The following LIG1 variants were observed in gnomAD, a reference collection of about 807,000 sequenced individuals.
The protein encoded by LIG1 is DNA ligase 1, also known as ligase I, DNA, ATP-dependent.
In LIG1, 70 loss-of-function variants were observed where a neutral mutation model predicts 115.7. The ratio of observed to expected loss-of-function variants is 0.60; its 90% CI spans 0.50 to 0.74. LIG1 has a LOEUF of 0.74. LIG1 is among the 30% of genes least tolerant of loss of function. The pLI is 0.00. For missense variants in LIG1, 1,115 were observed against 1,225.6 expected (o/e 0.91, Z 1.35); for synonymous variants, 487 against 495.3 (o/e 0.98, Z 0.22).
intron 5 of LIG1, 64 bp from the exon 6 acceptor site, chr19:48,154,031 C>T: frequency 7.6e-7 from 1 of 1,322,976 alleles, no homozygotes; most frequent in African/African-American, 1.4e-5. Flanking sequence ...TCCCGGAGAG[C>T]TCACACCCAC....
chr19:48,152,730 A>G lies in LIG1; in HGVS notation c.466+1142T>C, dbSNP rs2035556249. 3.3e-5 allele frequency among the ~76,000 whole-genome samples: 5 copies of G among 152,346 alleles called. No individual in the cohort carries two copies. In the South Asian group the frequency reaches 1.0e-3, roughly 32 times the overall value. On this transcript the variant is annotated intron_variant, in intron 6 of 27. Transcript: ENST00000263274. Reference sequence around the variant, plus strand: ...GTATTAAATCACATTCCTTGCAATGACATTGCATCTCTGCAAAGCTGGGTT... The same window carrying G: ...GTATTAAATCACATTCCTTGCAATGGCATTGCATCTCTGCAAAGCTGGGTT...
At chr19:48,119,606 T>C (rs1329045866) in intron 24 of LIG1, among the ~76,000 whole-genome samples, 2 of 147,168 alleles carry the variant, frequency 1.4e-5, no homozygotes, top group Non-Finnish European at 3.0e-5. Flanking sequence ...TGGTGCAATC[T>C]TGGCTCACTG....
Position 48,127,350 on chromosome 19 carries a change from T to A in LIG1, c.1933-2A>T. On this transcript the variant is annotated splice_acceptor_variant, in intron 20 of 27. Transcript: ENST00000263274. LOFTEE classifies it high-confidence loss of function. ...CTGGATCTCAGACGCATCCACCTCC[T>A]GGGTTGGGGCACAACGGAGTTCGTG... 1 of 1,612,702 alleles carries A rather than the reference T, an allele frequency of 6.2e-7. No homozygotes were observed. Among genetic ancestry groups the A allele is most frequent in the Non-Finnish European group, 8.5e-7 (1 of 1,179,942 alleles).
intron 23 of LIG1, among the ~76,000 whole-genome samples, chr19:48,121,899 G>C (rs994412711): frequency 4.6e-5 from 7 of 152,230 alleles, no homozygotes; most frequent in Non-Finnish European, 1.0e-4. Flanking sequence ...CCTCAGGACA[G>C]AGACGTGGCC....
intron 25 of LIG1, chr19:48,118,323 G>A: frequency 5.7e-6 from 1 of 176,950 alleles, no homozygotes; most frequent in East Asian, 1.6e-4. Context: ...ACTGAACGAT[G>A]GGGGCAGGTT....
rs774171333 is a variant in LIG1, at chr19:48,117,737, G to C, written c.2484C>G (p.Gly828=). ...PSPRPYVRID[G]AVIPDHWLDP... The stretch of plus-strand genomic sequence containing the variant: ...CCAGCCAGTGGTCGGGAATCACAGC[G>C]CCATCTATCCGCACGTAAGGGCGTG... The change falls in exon 26 of 28, where the codon GGC becomes GGG. Residue 828 remains glycine (G), a synonymous_variant. Transcript: ENST00000263274. 1 of 1,613,142 alleles carries C rather than the reference G, an allele frequency of 6.2e-7. No individual in the cohort carries two copies. The highest frequency in any genetic ancestry group is 8.5e-7 in the Non-Finnish European group (1 of 1,179,802).
chr19:48,159,706 C>CTTAT (rs545767355), intron 4 of LIG1, among the ~76,000 whole-genome samples: 275 of 146,100 alleles, frequency 1.9e-3, no homozygotes, highest in African/African-American at 3.4e-3. Context: ...ATGCCACTTG[C>CTTAT]TTATTTATTT....
At chr19:48,149,967 C>T (rs746974931) in intron 8 of LIG1, 121 bp downstream of exon 8, 484 of 1,571,452 alleles carry the variant, frequency 3.1e-4, no homozygotes, top group Non-Finnish European at 3.9e-4. Context: ...GAGACAAGGC[C>T]GACTTTCCAA....
At chr19:48,153,705 G>C in intron 6 of LIG1, among the ~76,000 whole-genome samples, 167 bp downstream of exon 6, 1 of 110,382 alleles carries the variant, frequency 9.1e-6, no homozygotes, top group Admixed American at 9.7e-5. Flanking sequence ...TCCTTCTGGG[G>C]GCTCACCTTC....
chr19:48,158,366 G>GCCT (rs34864830), intron 4 of LIG1, among the ~76,000 whole-genome samples: 69,742 of 151,762 alleles, frequency 0.46, 16,278 homozygotes, highest in East Asian at 0.67. Context: ...CACAGAGGAA[G>GCCT]CCTGGGCCTC....
At chr19:48,160,825 C>A (rs991520782) in intron 4 of LIG1, among the ~76,000 whole-genome samples, 1 of 151,874 alleles carries the variant, frequency 6.6e-6, no homozygotes, top group Non-Finnish European at 1.5e-5. Flanking sequence ...CTTGAACACC[C>A]GGGCTCAAGC....
At position 48,143,525 on chromosome 19, in the gene LIG1, GCAGTCCTCATTAGTTACC is replaced by G; in HGVS notation, c.914_914+17del. On this transcript the variant is annotated splice_donor_variant and splice_donor_5th_base_variant and coding_sequence_variant and intron_variant, in exon 11 of 28. Transcript: ENST00000263274. LOFTEE classifies it high-confidence loss of function. ...AGAAGCGACCCCGCCCCCCACCCAG[GCAGTCCTCATTAGTTACC>G]GAGCAGACACCTCCTCGATCTTCTC... The G allele has an allele frequency of 6.8e-7, 1 of 1,480,264 alleles. No individual in the cohort carries two copies. The highest frequency in any genetic ancestry group is 9.3e-7 in the Non-Finnish European group (1 of 1,073,800). The allele number at this position is 1,480,264 out of a possible 1,614,324, so 91.7% of individuals were successfully genotyped here. A position where few individuals can be genotyped will look rare whatever the true frequency, so the allele number is the denominator to read the frequency against.
rs115468263 is a variant in LIG1, at chr19:48,150,766, T to C, written c.574+466A>G. Reference sequence around the variant, plus strand: ...AGGCTGGAGTGCAGTGGTGCGACCATAGGTCACTGCAACCTCCACCTCCTG... The same window carrying C: ...AGGCTGGAGTGCAGTGGTGCGACCACAGGTCACTGCAACCTCCACCTCCTG... On this transcript the variant is annotated intron_variant, in intron 7 of 27. Coordinates refer to ENST00000263274, the MANE Select transcript of LIG1 (RefSeq NM_000234.3). Among the ~76,000 whole-genome samples, 366 of 152,272 alleles carry C rather than the reference T, an allele frequency of 2.4e-3. 1 individual carries two copies. Among genetic ancestry groups the C allele is most frequent in the African/African-American group, 7.8e-3 (326 of 41,558 alleles).
chr19:48,157,216 G>T, intron 4 of LIG1, 76 bp from the exon 5 acceptor site: 6 of 1,426,198 alleles, frequency 4.2e-6, no homozygotes, highest in South Asian at 2.8e-5. Flanking sequence ...AGAGTAGAGG[G>T]GACTGAAACC....
rs1353026647 is a variant in LIG1 at position 48,123,284 on chromosome 19, T to C, written c.2039A>G (p.Gln680Arg). Reference sequence around the variant, plus strand: ...CTCCACAAAGTTCTCCCGGAGCAGCTGCCGGCGCCGGGAAAGGGGCTCACG... The same window carrying C: ...CTCCACAAAGTTCTCCCGGAGCAGCCGCCGGCGCCGGGAAAGGGGCTCACG... Reference protein sequence around the residue: ...LVREPLSRRRQLLRENFVETE... With the variant: ...LVREPLSRRRRLLRENFVETE... Residue 680 changes from glutamine to arginine, a missense_variant, in exon 22 of 28, where the codon CAG (glutamine) becomes CGG (arginine). Transcript: ENST00000263274. The C allele has an allele frequency of 6.2e-7, 1 of 1,613,812 alleles. No homozygotes were observed. The highest frequency in any genetic ancestry group is 1.1e-5 in the South Asian group (1 of 91,068).
rs2034497103 is a variant in LIG1, at chr19:48,137,846, C to T, written c.1088-158G>A. On this transcript the variant is annotated intron_variant, in intron 12 of 27. Coordinates refer to ENST00000263274, the MANE Select transcript of LIG1 (RefSeq NM_000234.3). This position sits in a 1 kb window ranked among gnomAD's most constrained non-coding sequence, Gnocchi z 4.3. ...ACGCTCACCCACTTGGTAGAAATGGCTTGGGGAACGTGCCCCCAGCCACGC... is the reference window on the plus strand; with the variant it reads ...ACGCTCACCCACTTGGTAGAAATGGTTTGGGGAACGTGCCCCCAGCCACGC... The T allele has an allele frequency of 2.1e-6, 2 of 937,886 alleles. No individual in the cohort carries two copies. Among genetic ancestry groups the T allele is most frequent in the Admixed American group, 4.5e-5 (2 of 44,736 alleles). The allele number at this position is 937,886 out of a possible 1,614,324, so 58.1% of individuals were successfully genotyped here.
chr19:48,116,849 G>A (rs566354646), intron 26 of LIG1, among the ~76,000 whole-genome samples: 41 of 152,288 alleles, frequency 2.7e-4, no homozygotes, highest in Middle Eastern at 3.4e-3. Flanking sequence ...GATCAAAAAT[G>A]TAAGTTCTTG....
At chr19:48,141,552 C>A (rs2034758171) in intron 11 of LIG1, among the ~76,000 whole-genome samples, 1 of 152,160 alleles carries the variant, frequency 6.6e-6, no homozygotes. Context: ...TGCCCAAGGT[C>A]ACAGAGCGAG....
At chr19:48,130,999 T>C (rs965099152) in intron 19 of LIG1, 77 bp downstream of exon 19, 7 of 1,172,548 alleles carry the variant, frequency 6.0e-6, no homozygotes, top group Admixed American at 5.1e-5. Flanking sequence ...TGTGCCACAC[T>C]GGCCTAGATG....
Sources: allele counts gnomAD v4.1 joint callset (sites outside exome capture counted in the v4.1 genomes callset), GRCh38; gene constraint gnomAD v4.1.1; non-coding constraint Gnocchi (gnomAD v3.1); transcripts MANE v1.5; gene names NCBI Gene and HGNC (gene_info 2026-07-23, HGNC 2026-07-21).